Variants in FGF12 observed in about 807,000 individuals in gnomAD.
FGF12 encodes fibroblast growth factor 12.
In FGF12, 14 loss-of-function variants were observed where a neutral mutation model predicts 23.6. The ratio of observed to expected loss-of-function variants is 0.59; its 90% CI spans 0.39 to 0.93. The LOEUF is 0.93. Ranked by LOEUF, FGF12 falls within the 40% of genes least tolerant of loss-of-function variation. The pLI is 0.00. For synonymous variants in FGF12, 62 were observed against 77.3 expected, an observed-to-expected ratio of 0.80 and a Z score of 1.04; for missense variants, 175 against 217.8, an observed-to-expected ratio of 0.80 and a Z score of 1.24.
At chr3:192,373,084 T>C (rs1273034745) in intron 2 of FGF12, among the ~76,000 whole-genome samples, 2 of 152,154 alleles carry the variant, frequency 1.3e-5, no homozygotes, top group Non-Finnish European at 2.9e-5. Context: ...ACAGATATTA[T>C]CTGGCAGCAC....
intron 5 of FGF12, among the ~76,000 whole-genome samples, chr3:192,158,332 C>CTTTCTTTCTCTTTCTTTCTT: frequency 8.9e-6 from 1 of 112,356 alleles, no homozygotes; most frequent in Admixed American, 9.4e-5. Context: ...TTCTTTCTTT[C>CTTTCTTTCTCTTTCTTTCTT]TCTTTCTTTC....
intron 2 of FGF12, among the ~76,000 whole-genome samples, chr3:192,666,917 T>TGATA (rs56278131): frequency 0.3 from 43,961 of 147,436 alleles, 6,553 homozygotes; most frequent in Admixed American, 0.34. Context: ...GATAGATAGA[T>TGATA]GATAGATAGA....
intron 4 of FGF12, among the ~76,000 whole-genome samples, chr3:192,268,298 G>T (rs1713206570): frequency 6.6e-6 from 1 of 152,138 alleles, no homozygotes; most frequent in Non-Finnish European, 1.5e-5. Flanking sequence ...CATCTGGGGA[G>T]CTGTGGTGGC....
chr3:192,560,217 A>G (rs1711961958), intron 2 of FGF12, among the ~76,000 whole-genome samples: 1 of 152,090 alleles, frequency 6.6e-6, no homozygotes, highest in African/African-American at 2.4e-5. Flanking sequence ...TATTTGTATG[A>G]TCCAGTTTAA....
intron 3 of FGF12, among the ~76,000 whole-genome samples, chr3:192,348,868 A>T (rs779211162): frequency 1.3e-5 from 2 of 152,196 alleles, no homozygotes; most frequent in Non-Finnish European, 2.9e-5. Flanking sequence ...TAGGGTTATC[A>T]CAAGACTTAA....
chr3:192,693,632 G>T (rs982881607), intron 2 of FGF12, among the ~76,000 whole-genome samples: 7 of 152,064 alleles, frequency 4.6e-5, no homozygotes, highest in African/African-American at 1.7e-4. Context: ...ATTTCTGAAA[G>T]GGGAAGAAAA....
intron 4 of FGF12, among the ~76,000 whole-genome samples, chr3:192,278,776 C>T (rs1393963920): frequency 1.3e-5 from 2 of 152,158 alleles, no homozygotes; most frequent in African/African-American, 4.8e-5. Context: ...AAAGGGAAGT[C>T]TCTAAAAAAC....
intron 4 of FGF12, among the ~76,000 whole-genome samples, chr3:192,254,558 C>T (rs1423082028): frequency 6.6e-6 from 1 of 151,862 alleles, no homozygotes; most frequent in South Asian, 2.1e-4. Context: ...AATTCAGAGG[C>T]TATGTAGGAA....
At chr3:192,317,688 G>A (rs551607443) in intron 4 of FGF12, among the ~76,000 whole-genome samples, 4 of 152,236 alleles carry the variant, frequency 2.6e-5, no homozygotes, top group Admixed American at 6.5e-5. Flanking sequence ...AAGCCTGGCT[G>A]GTTTCACCAC....
intron 2 of FGF12, among the ~76,000 whole-genome samples, chr3:192,533,573 C>T (rs1456464848): frequency 6.6e-6 from 1 of 152,206 alleles, no homozygotes; most frequent in Non-Finnish European, 1.5e-5. Context: ...TTCAGAGCTT[C>T]TTGAATTTAG....
At chr3:192,454,073 C>G (rs987664183) in intron 2 of FGF12, among the ~76,000 whole-genome samples, 1 of 151,718 alleles carries the variant, frequency 6.6e-6, no homozygotes, top group Non-Finnish European at 1.5e-5. Flanking sequence ...GAGTCTAGCT[C>G]TGTCGCCCAG....
At chr3:192,240,787 T>A (rs1719578385) in intron 4 of FGF12, among the ~76,000 whole-genome samples, 1 of 152,174 alleles carries the variant, frequency 6.6e-6, no homozygotes, top group Admixed American at 6.5e-5. Context: ...TGTATGTTAT[T>A]TGTAATTTTT....
At chr3:192,694,369 T>C (rs1577125685) in intron 2 of FGF12, among the ~76,000 whole-genome samples, 1 of 152,106 alleles carries the variant, frequency 6.6e-6, no homozygotes, top group Non-Finnish European at 1.5e-5. Flanking sequence ...AACTATCACA[T>C]GTCCCAGCAA....
chr3:192,164,934 C>T (rs1715078221), intron 5 of FGF12, among the ~76,000 whole-genome samples: 2 of 151,986 alleles, frequency 1.3e-5, no homozygotes, highest in Non-Finnish European at 2.9e-5. Flanking sequence ...AAAATATTAT[C>T]GAAAACTTTA....
chr3:192,716,166 C>T (rs541613652), intron 2 of FGF12, among the ~76,000 whole-genome samples: 9 of 152,300 alleles, frequency 5.9e-5, no homozygotes, highest in South Asian at 4.1e-4. Flanking sequence ...CTCAAAAGCC[C>T]GGGCTAACCC....
At chr3:192,700,891 A>C (rs1363441497) in intron 2 of FGF12, among the ~76,000 whole-genome samples, 1 of 152,212 alleles carries the variant, frequency 6.6e-6, no homozygotes, top group East Asian at 1.9e-4. Flanking sequence ...CCCTGAAAGA[A>C]ATTGAAGTAT....
At chr3:192,237,634 C>A (rs180744258) in intron 4 of FGF12, among the ~76,000 whole-genome samples, 1 of 152,086 alleles carries the variant, frequency 6.6e-6, no homozygotes, top group South Asian at 2.1e-4. Context: ...GTTATTAATG[C>A]CTCCAATTGC....
intron 2 of FGF12, among the ~76,000 whole-genome samples, chr3:192,629,132 G>A (rs976143237): frequency 7.9e-5 from 12 of 152,194 alleles, no homozygotes; most frequent in African/African-American, 2.7e-4. Context: ...GGAAGAATCT[G>A]TAAATTATTT....
chr3:192,435,026 T>C (rs1284973713), intron 2 of FGF12, among the ~76,000 whole-genome samples: 1 of 152,142 alleles, frequency 6.6e-6, no homozygotes, highest in Non-Finnish European at 1.5e-5. Context: ...ATTTTCACAA[T>C]TATTCCATCT....
Sources: allele counts gnomAD v4.1 joint callset (sites outside exome capture counted in the v4.1 genomes callset), GRCh38; gene constraint gnomAD v4.1.1; transcripts MANE v1.5; gene names NCBI Gene and HGNC (gene_info 2026-07-23, HGNC 2026-07-21).